NBAS: variants seen among roughly 807,000 people sequenced by gnomAD.
The protein encoded by NBAS is NAG/BC035112 fusion.
In NBAS, 219 loss-of-function variants were observed where a neutral mutation model predicts 302.5. The ratio of observed to expected loss-of-function variants is 0.72; its 90% CI spans 0.65 to 0.81. The LOEUF is 0.81. NBAS is among the 30% of genes least tolerant of loss of function. NBAS has a pLI of 0.00. For synonymous variants in NBAS, 1,118 were observed against 1,021.6 expected (o/e 1.09, Z -1.80); for missense variants, 2,932 against 2,841.6 (o/e 1.03, Z -0.72).
chr2:14,876,817 C>T, the NBAS span, among the ~76,000 whole-genome samples: 11 of 152,248 alleles, frequency 7.2e-5, no homozygotes, highest in Non-Finnish European at 1.2e-4. Flanking sequence ...GACAGGGCCT[C>T]CCGGCCGCTG....
At chr2:15,305,585 G>C (rs1670999147) in intron 40 of NBAS, among the ~76,000 whole-genome samples, 1 of 151,648 alleles carries the variant, frequency 6.6e-6, no homozygotes, top group Non-Finnish European at 1.5e-5. Flanking sequence ...CCCAGTAGTT[G>C]GGATTACAGG....
At chr2:14,866,620 T>G in the NBAS span, among the ~76,000 whole-genome samples, 20 of 152,126 alleles carry the variant, frequency 1.3e-4, no homozygotes, top group Non-Finnish European at 2.8e-4. Flanking sequence ...TGTTTCTGGA[T>G]GTCTAGTCAA....
intron 1 of NBAS, among the ~76,000 whole-genome samples, chr2:15,558,986 T>G (rs921304440): frequency 7.2e-6 from 1 of 138,822 alleles, no homozygotes; most frequent in Non-Finnish European, 1.5e-5. Flanking sequence ...ACCCAGGAGG[T>G]TGAAGCTACG....
At chr2:15,406,732 G>A (rs189674244) in intron 25 of NBAS, among the ~76,000 whole-genome samples, 1 of 152,206 alleles carries the variant, frequency 6.6e-6, no homozygotes, top group Admixed American at 6.5e-5. Context: ...ATCGAAGAAT[G>A]GAGTAAGGAC....
intron 48 of NBAS, among the ~76,000 whole-genome samples, chr2:15,193,959 C>T (rs1395163760): frequency 6.6e-6 from 1 of 151,478 alleles, no homozygotes; most frequent in Non-Finnish European, 1.5e-5. Flanking sequence ...GAGTTGCAAG[C>T]CTAAAGAACA....
intron 9 of NBAS, among the ~76,000 whole-genome samples, chr2:15,532,186 C>A (rs898348875): frequency 1.3e-5 from 2 of 151,998 alleles, no homozygotes; most frequent in Non-Finnish European, 2.9e-5. Flanking sequence ...AGCTACATAA[C>A]CATAATAATA....
chr2:14,800,711 T>C, the NBAS span, among the ~76,000 whole-genome samples: 1 of 152,060 alleles, frequency 6.6e-6, no homozygotes, highest in Non-Finnish European at 1.5e-5. Context: ...GCTTTGCTTC[T>C]ACATATTTTA....
At chr2:15,550,656 G>A (rs868667104) in intron 6 of NBAS, among the ~76,000 whole-genome samples, 2 of 148,600 alleles carry the variant, frequency 1.3e-5, no homozygotes, top group Middle Eastern at 3.3e-3. Context: ...GCTCAATCTC[G>A]GCTCACTGTA....
intron 35 of NBAS, among the ~76,000 whole-genome samples, chr2:15,348,753 A>T (rs1673213431): frequency 6.6e-6 from 1 of 152,210 alleles, no homozygotes; most frequent in African/African-American, 2.4e-5. Flanking sequence ...CTGACTGATC[A>T]TTATGCAGTT....
At chr2:14,932,081 A>C in the NBAS span, among the ~76,000 whole-genome samples, 1 of 152,220 alleles carries the variant, frequency 6.6e-6, no homozygotes, top group African/African-American at 2.4e-5. Context: ...GAAGACTGGC[A>C]GAGTGAGGTC....
chr2:15,090,085 T>C, the NBAS span, among the ~76,000 whole-genome samples: 1 of 152,180 alleles, frequency 6.6e-6, no homozygotes, highest in Non-Finnish European at 1.5e-5. Flanking sequence ...GCCAAAAGCA[T>C]AGATAGGACT....
At chr2:15,400,487 C>T (rs1462418094) in intron 26 of NBAS, among the ~76,000 whole-genome samples, 1 of 152,054 alleles carries the variant, frequency 6.6e-6, no homozygotes, top group Non-Finnish European at 1.5e-5. Flanking sequence ...AGGGAAAGGA[C>T]TTCCATAAAA....
chr2:15,386,139 G>C (rs1206375191), intron 28 of NBAS, among the ~76,000 whole-genome samples: 1 of 152,200 alleles, frequency 6.6e-6, no homozygotes, highest in Non-Finnish European at 1.5e-5. Flanking sequence ...TTATGATCTA[G>C]AAGGGAACTT....
intron 47 of NBAS, among the ~76,000 whole-genome samples, chr2:15,220,045 T>A (rs1666869532): frequency 7.1e-6 from 1 of 140,588 alleles, no homozygotes; most frequent in African/African-American, 2.7e-5. Flanking sequence ...TCCCCCCACC[T>A]CCCTCCCGGA....
chr2:15,459,503 C>CTTTTTTTTTTTTTTT (rs66914120), intron 21 of NBAS, among the ~76,000 whole-genome samples: 12 of 141,380 alleles, frequency 8.5e-5, no homozygotes, highest in Non-Finnish European at 1.5e-4. Context: ...AGCATTTTTT[C>CTTTTTTTTTTTTTTT]TTTTTTTTTG....
chr2:15,249,896 T>C (rs184182838), intron 44 of NBAS, among the ~76,000 whole-genome samples: 1 of 152,262 alleles, frequency 6.6e-6, no homozygotes, highest in African/African-American at 2.4e-5. Context: ...CCAAAGTAAT[T>C]TACAGTTTCA....
At chr2:14,870,682 C>A in the NBAS span, among the ~76,000 whole-genome samples, 1,860 of 149,832 alleles carry the variant, frequency 0.012, 42 homozygotes, top group African/African-American at 0.044. Flanking sequence ...TTTAAACACA[C>A]AAAAAATCCA....
chr2:15,508,791 G>C (rs1210845433), intron 10 of NBAS, among the ~76,000 whole-genome samples: 3 of 152,060 alleles, frequency 2.0e-5, no homozygotes, highest in Non-Finnish European at 4.4e-5. Flanking sequence ...ATCACCTAAG[G>C]TCAGGAGTTC....
the NBAS span, among the ~76,000 whole-genome samples, chr2:14,950,048 G>A: frequency 6.6e-6 from 1 of 152,188 alleles, no homozygotes; most frequent in East Asian, 1.9e-4. Context: ...TTGGGGTACA[G>A]GTGGTATCTA....
Sources: allele counts gnomAD v4.1 joint callset (sites outside exome capture counted in the v4.1 genomes callset), GRCh38; gene constraint gnomAD v4.1.1; transcripts MANE v1.5; gene names NCBI Gene and HGNC (gene_info 2026-07-23, HGNC 2026-07-21).